The following FAM227B variants were observed in gnomAD, a reference collection of about 807,000 sequenced individuals.
FAM227B encodes the protein family with sequence similarity 227 member B.
In FAM227B, 88 loss-of-function variants were observed where a neutral mutation model predicts 73.8. The ratio of observed to expected loss-of-function variants is 1.19; its 90% CI spans 1.00 to 1.42. The LOEUF (loss-of-function observed/expected upper bound fraction) is 1.42, where lower values mean the gene tolerates loss of function less well. Ranked by LOEUF, FAM227B falls within the 40% of genes most tolerant of loss-of-function variation. The pLI is 0.00. For missense variants in FAM227B, 632 were observed against 590.9 expected, an observed-to-expected ratio of 1.07 and a Z score of -0.72; for synonymous variants, 210 against 190.5, an observed-to-expected ratio of 1.10 and a Z score of -0.84.
At chr15:49,545,547 GTTC>G (rs1433948498) in intron 9 of FAM227B, among the ~76,000 whole-genome samples, 1 of 152,040 alleles carries the variant, frequency 6.6e-6, no homozygotes, top group Non-Finnish European at 1.5e-5. Context: ...GGATTGGTTT[GTTC>G]TTGTTTCTCT....
chr15:49,489,818 TA>T (rs1567381187), intron 11 of FAM227B, among the ~76,000 whole-genome samples: 596 of 39,984 alleles, frequency 0.015, 67 homozygotes, highest in East Asian at 0.023. Flanking sequence ...TATATATATA[TA>T]TTTTATATAT....
intron 11 of FAM227B, among the ~76,000 whole-genome samples, chr15:49,471,601 G>C (rs1245903423): frequency 6.6e-6 from 1 of 151,728 alleles, no homozygotes; most frequent in African/African-American, 2.4e-5. Context: ...ACATAGTTAA[G>C]TAATCAATGA....
At chr15:49,420,183 A>G (rs1439914823) in intron 11 of FAM227B, among the ~76,000 whole-genome samples, 1 of 152,172 alleles carries the variant, frequency 6.6e-6, no homozygotes, top group Non-Finnish European at 1.5e-5. Flanking sequence ...AATTGATCCT[A>G]TAGATTTATT....
chr15:49,394,884 T>G (rs2047465185), intron 11 of FAM227B, among the ~76,000 whole-genome samples: 1 of 152,156 alleles, frequency 6.6e-6, no homozygotes, highest in Non-Finnish European at 1.5e-5. Flanking sequence ...TAGTCTTGAC[T>G]GTTGAATGCA....
intron 10 of FAM227B, among the ~76,000 whole-genome samples, chr15:49,534,207 T>A (rs886717561): frequency 1.6e-4 from 24 of 151,822 alleles, no homozygotes; most frequent in African/African-American, 5.8e-4. Context: ...GCAGGTCACC[T>A]CTGCAGGTAG....
chr15:49,474,276 G>A (rs1295747132), intron 11 of FAM227B, among the ~76,000 whole-genome samples: 3 of 152,278 alleles, frequency 2.0e-5, no homozygotes, highest in East Asian at 1.9e-4. Context: ...CATACCGTAT[G>A]AGAAAGGGCC....
At chr15:49,467,792 A>G (rs1020997712) in intron 11 of FAM227B, among the ~76,000 whole-genome samples, 1 of 152,128 alleles carries the variant, frequency 6.6e-6, no homozygotes, top group Non-Finnish European at 1.5e-5. Context: ...TTCAGGGAAT[A>G]TATCTTCTCT....
intron 3 of FAM227B, among the ~76,000 whole-genome samples, chr15:49,602,986 A>G (rs1304956961): frequency 6.6e-6 from 1 of 151,846 alleles, no homozygotes; most frequent in East Asian, 1.9e-4. Flanking sequence ...GGGTTCTCTT[A>G]TTTTGTTCCA....
At chr15:49,619,618 T>A (rs1598613882) in intron 1 of FAM227B, among the ~76,000 whole-genome samples, 1 of 152,228 alleles carries the variant, frequency 6.6e-6, no homozygotes, top group African/African-American at 2.4e-5. Flanking sequence ...ATGGTTGTTT[T>A]AAGCCACCAT....
At chr15:49,591,029 G>GGT (rs2076501933) in intron 3 of FAM227B, among the ~76,000 whole-genome samples, 3 of 105,606 alleles carry the variant, frequency 2.8e-5, no homozygotes, top group African/African-American at 1.0e-4. Flanking sequence ...TCTTTTTTTT[G>GGT]TTTTTTTTTT....
chr15:49,384,993 C>T (rs977574688), intron 11 of FAM227B, among the ~76,000 whole-genome samples: 5 of 151,842 alleles, frequency 3.3e-5, no homozygotes, highest in Non-Finnish European at 7.4e-5. Context: ...AAGTGAATGG[C>T]CCACCAATGG....
chr15:49,529,886 T>C (rs907061761), intron 10 of FAM227B, among the ~76,000 whole-genome samples: 3 of 151,782 alleles, frequency 2.0e-5, no homozygotes, highest in African/African-American at 4.8e-5. Flanking sequence ...GGATTGACTT[T>C]ATTCACTCAG....
chr15:49,464,365 G>A (rs2054077207), intron 11 of FAM227B, among the ~76,000 whole-genome samples: 1 of 152,168 alleles, frequency 6.6e-6, no homozygotes, highest in Admixed American at 6.5e-5. Context: ...ATAAAAATGT[G>A]TTAACAGTGA....
At chr15:49,556,037 G>A (rs1187419855) in intron 9 of FAM227B, among the ~76,000 whole-genome samples, 2 of 151,864 alleles carry the variant, frequency 1.3e-5, no homozygotes, top group Admixed American at 6.6e-5. Flanking sequence ...GGTTATTATC[G>A]ATGCATATTT....
chr15:49,335,221 T>C (rs1028145801), intron 14 of FAM227B, among the ~76,000 whole-genome samples, 198 bp downstream of exon 14: 8 of 152,186 alleles, frequency 5.3e-5, no homozygotes, highest in Admixed American at 4.6e-4. Flanking sequence ...TCCTTTCTTC[T>C]GTCCCTCTCA....
chr15:49,489,825 TATATATATATATATTTTA>T (rs2056795580), intron 11 of FAM227B, among the ~76,000 whole-genome samples: 1 of 22,062 alleles, frequency 4.5e-5, no homozygotes, highest in South Asian at 1.6e-3. Flanking sequence ...ATATATTTTA[TATATATATATATATTTTA>T]TATATATATA....
chr15:49,465,277 C>CTGCCACCA (rs2054163531), intron 11 of FAM227B, among the ~76,000 whole-genome samples: 1 of 151,464 alleles, frequency 6.6e-6, no homozygotes, highest in African/African-American at 2.4e-5. Context: ...TTACAGGCAC[C>CTGCCACCA]TGCCACCATG....
At chr15:49,460,536 T>C (rs542419196) in intron 11 of FAM227B, among the ~76,000 whole-genome samples, 63 of 152,318 alleles carry the variant, frequency 4.1e-4, no homozygotes, top group African/African-American at 1.4e-3. Flanking sequence ...TATTTTGACA[T>C]TTCTTCACAG....
chr15:49,544,226 T>G (rs2071495762), intron 9 of FAM227B, among the ~76,000 whole-genome samples: 1 of 152,170 alleles, frequency 6.6e-6, no homozygotes, highest in East Asian at 1.9e-4. Flanking sequence ...TTAGGTATAT[T>G]CCCAAGTTAT....
Sources: gnomAD v4.1 joint callset for allele counts (sites outside exome capture counted in the v4.1 genomes callset) on GRCh38, gnomAD v4.1.1 for gene constraint, MANE v1.5 for transcripts, NCBI Gene and HGNC (gene_info 2026-07-23, HGNC 2026-07-21) for gene names.